The following MESP1 variants were observed in gnomAD, a reference collection of about 807,000 sequenced individuals.
The protein encoded by MESP1 is mesoderm posterior protein 1.
MESP1 carries 22 observed loss-of-function variants against 15.2 expected under a neutral mutation model. The ratio of observed to expected loss-of-function variants is 1.45; its 90% CI spans 1.04 to 2.07. MESP1 has a LOEUF of 2.07. Among genes scored for constraint, MESP1 ranks in the 30% most tolerant of loss-of-function variants. MESP1 has a pLI of 0.00. For missense variants in MESP1, 484 were observed against 411.9 expected (o/e 1.17, Z -1.51); for synonymous variants, 216 against 192.6 (o/e 1.12, Z -1.01).
chr15:89,732,770 G>C, the MESP1 span, among the ~76,000 whole-genome samples: 722 of 152,080 alleles, frequency 4.7e-3, 5 homozygotes, highest in African/African-American at 0.017. Flanking sequence ...CCTCCTCCAT[G>C]CTCTTGCTTC....
the MESP1 span, among the ~76,000 whole-genome samples, chr15:89,736,032 G>C: frequency 6.6e-6 from 1 of 152,212 alleles, no homozygotes; most frequent in Non-Finnish European, 1.5e-5. Context: ...GGGGCGGGAA[G>C]ACAGGTGGGC....
chr15:89,741,080 C>T, the MESP1 span, among the ~76,000 whole-genome samples: 2 of 152,016 alleles, frequency 1.3e-5, no homozygotes, highest in Non-Finnish European at 2.9e-5. Context: ...GTGGAGGTTA[C>T]AGTAAGCTGA....
At position 89,751,075 on chromosome 15, in the gene MESP1, C is replaced by CACGGGGCCCGG; in HGVS notation, c.156_157insCCGGGCCCCGT (p.Ala53ProfsTer21). 2 of 1,316,372 alleles carry CACGGGGCCCGG rather than the reference C, an allele frequency of 1.5e-6. No individual in the cohort carries two copies. Among genetic ancestry groups the CACGGGGCCCGG allele is most frequent in the Non-Finnish European group, 1.9e-6 (2 of 1,037,804 alleles). The allele number at this position is 1,316,372 out of a possible 1,614,324, so 81.5% of individuals were successfully genotyped here. On this transcript the variant is annotated frameshift_variant, in exon 1 of 2. Coordinates refer to ENST00000300057, the MANE Select transcript of MESP1 (RefSeq NM_018670.4). LOFTEE classifies it high-confidence loss of function. ...AGGGTGCCTGGCCGCGCGGGGCTCG[C>CACGGGGCCCGG]CACGGGGCTGTCGGCTGGGGTGCTG...
chr15:89,737,978 G>A, the MESP1 span: 47 of 1,522,772 alleles, frequency 3.1e-5, no homozygotes, highest in Non-Finnish European at 4.2e-5. Flanking sequence ...TGCTCACCTG[G>A]ACCACAGAGC....
At chr15:89,737,125 A>G in the MESP1 span, among the ~76,000 whole-genome samples, 2 of 152,138 alleles carry the variant, frequency 1.3e-5, no homozygotes, top group East Asian at 3.9e-4. Flanking sequence ...AGAGTTTAGT[A>G]TGTTCACTGC....
At chr15:89,739,614 T>A in the MESP1 span, among the ~76,000 whole-genome samples, 6 of 152,194 alleles carry the variant, frequency 3.9e-5, no homozygotes, top group African/African-American at 1.4e-4. Context: ...TGTTGATGAT[T>A]CCTTTTGGGA....
the MESP1 span, chr15:89,738,364 C>G: frequency 1.8e-6 from 2 of 1,138,614 alleles, no homozygotes; most frequent in Non-Finnish European, 2.4e-6. Flanking sequence ...TGGTGGCTCA[C>G]GCCTGTAATC....
chr15:89,746,311 A>T (rs186952953), downstream of MESP1, among the ~76,000 whole-genome samples: 21 of 132,414 alleles, frequency 1.6e-4, no homozygotes, highest in East Asian at 4.6e-3. Context: ...ACATCCACAC[A>T]GTATCCACAC....
chr15:89,749,137 C>T (rs912256691), downstream of MESP1: 1 of 152,226 alleles, frequency 6.6e-6, no homozygotes, highest in Non-Finnish European at 1.5e-5. Context: ...TGATGTGAAT[C>T]CAGCCAATGC....
At chr15:89,746,153 C>T (rs1053268318), downstream of MESP1, among the ~76,000 whole-genome samples, 2 of 144,596 alleles carry the variant, frequency 1.4e-5, no homozygotes, top group African/African-American at 2.7e-5. Context: ...AGCATCCACA[C>T]AGCATCCACA....
At chr15:89,743,113 G>T in the MESP1 span, among the ~76,000 whole-genome samples, 2 of 152,180 alleles carry the variant, frequency 1.3e-5, no homozygotes, top group East Asian at 3.9e-4. Context: ...CATTCCTCCA[G>T]GAAAGGCCTT....
At chr15:89,736,555 CG>C in the MESP1 span, among the ~76,000 whole-genome samples, 1 of 151,842 alleles carries the variant, frequency 6.6e-6, no homozygotes, top group Admixed American at 6.6e-5. Flanking sequence ...ACAAAGTGAC[CG>C]TGAGGGGCCC....
At position 89,750,735 on chromosome 15, in the gene MESP1, C is replaced by T. The variant is rs1199839856; in HGVS notation, c.497G>A (p.Cys166Tyr). ...CATCTGCGCGGGGCAGTCGTCGGGGCACAGCGGGCAGCCCCGAGGGGACCC... is the reference window on the plus strand; with the variant it reads ...CATCTGCGCGGGGCAGTCGTCGGGGTACAGCGGGCAGCCCCGAGGGGACCC... ...DAGSPRGCPL[C>Y]PDDCPAQMQT... is the part of the protein sequence containing the mutation. Residue 166 changes from cysteine to tyrosine, a missense_variant, in exon 1 of 2, where the codon TGC becomes TAC. Physicochemically the swap from Cys to Tyr is radical, Grantham distance 194 (BLOSUM62 -2). Coordinates refer to ENST00000300057, the MANE Select transcript of MESP1 (RefSeq NM_018670.4). 2.1e-6 allele frequency: 3 copies of T among 1,427,306 alleles called. No individual in the cohort carries two copies. The African/African-American group carries it at 4.4e-5, about 21-fold the overall frequency. 88.4% of individuals were successfully genotyped at this position (1,427,306 alleles called of 1,614,324 possible). A position where few individuals can be genotyped will look rare whatever the true frequency, so the allele number is the denominator to read the frequency against.
downstream of MESP1, among the ~76,000 whole-genome samples, chr15:89,747,378 G>C (rs1370355171): frequency 1.3e-5 from 2 of 152,228 alleles, no homozygotes; most frequent in African/African-American, 4.8e-5. Flanking sequence ...CGCTGCTCTG[G>C]AAATGCTGGT....
At chr15:89,732,998 T>G in the MESP1 span, 1 of 1,613,734 alleles carries the variant, frequency 6.2e-7, no homozygotes, top group Non-Finnish European at 8.5e-7. Context: ...TGTGATTACT[T>G]TCTCTAGGAT....
the MESP1 span, among the ~76,000 whole-genome samples, chr15:89,734,706 C>G: frequency 2.6e-5 from 4 of 151,996 alleles, no homozygotes; most frequent in Admixed American, 2.6e-4. Context: ...ACATTTAGGC[C>G]AGGTACAGAG....
At chr15:89,742,225 T>G in the MESP1 span, among the ~76,000 whole-genome samples, 1 of 151,982 alleles carries the variant, frequency 6.6e-6, no homozygotes, top group Non-Finnish European at 1.5e-5. Flanking sequence ...CATCTCTACA[T>G]CTACATCTAT....
chr15:89,737,647 C>G, the MESP1 span: 3 of 1,614,172 alleles, frequency 1.9e-6, no homozygotes, highest in Non-Finnish European at 2.5e-6. Flanking sequence ...GTGCCTTTGC[C>G]CCTCCGGGAG....
rs1176787801 is a variant in MESP1 at position 89,750,388 on chromosome 15, T to TGGTGGCCA, written c.723+113_723+120dup. Reference sequence around the variant, plus strand: ...GCTTCTTGGAGCCCTGGGCATACTATGGTGGCCAGGTGGCCAGGCTGCCGG... The same window carrying TGGTGGCCA: ...GCTTCTTGGAGCCCTGGGCATACTATGGTGGCCAGGTGGCCAGGTGGCCAGGCTGCCGG... On this transcript the variant is annotated intron_variant, in intron 1 of 1. Transcript: ENST00000300057. 16 of 1,458,188 alleles carry TGGTGGCCA rather than the reference T, an allele frequency of 1.1e-5. No homozygotes were observed. In the South Asian group the frequency reaches 2.2e-4, roughly 20 times the overall value. The allele number at this position is 1,458,188 out of a possible 1,614,324, so 90.3% of individuals were successfully genotyped here. A position where few individuals can be genotyped will look rare whatever the true frequency, so the allele number is the denominator to read the frequency against.
Sources: allele counts gnomAD v4.1 joint callset (sites outside exome capture counted in the v4.1 genomes callset), GRCh38; gene constraint gnomAD v4.1.1; transcripts MANE v1.5; gene names NCBI Gene and HGNC (gene_info 2026-07-23, HGNC 2026-07-21).